Variants in COL23A1 observed in about 807,000 individuals in gnomAD.
COL23A1 encodes the protein collagen type XXIII alpha 1 chain.
Under a neutral mutation model 99.3 loss-of-function variants are expected in COL23A1, and 97 were observed. That is an observed-to-expected ratio of 0.98 (90% confidence interval 0.83 to 1.16). The LOEUF (loss-of-function observed/expected upper bound fraction) is 1.16, where lower values mean the gene tolerates loss of function less well. Among genes scored for constraint, COL23A1 ranks in the 50% most tolerant of loss-of-function variants. COL23A1 has a pLI of 0.00. For synonymous variants in COL23A1, 320 were observed against 308.2 expected (o/e 1.04, Z -0.40); for missense variants, 762 against 757.4 (o/e 1.01, Z -0.07).
intron 2 of COL23A1, among the ~76,000 whole-genome samples, chr5:178,407,518 A>G (rs553485859): frequency 6.6e-6 from 1 of 152,372 alleles, no homozygotes; most frequent in African/African-American, 2.4e-5. Flanking sequence ...ATGTGACAGA[A>G]ATGTTGGACT....
chr5:178,371,715 G>A (rs1043509555), intron 2 of COL23A1, among the ~76,000 whole-genome samples: 1 of 152,138 alleles, frequency 6.6e-6, no homozygotes, highest in South Asian at 2.1e-4. Flanking sequence ...CCCTCTTCCC[G>A]ATGGTGAGCT....
rs1448459756 is a variant in COL23A1, at chr5:178,299,823, G to A, written c.406+7052C>T. Among the ~76,000 whole-genome samples, 6 of 151,966 alleles carry A rather than the reference G, an allele frequency of 3.9e-5. No individual in the cohort carries two copies. In the South Asian group the frequency reaches 1.0e-3, roughly 26 times the overall value. ...GGCTGGAGTGCAGTGGCACGATCTCGGCTCACTGCAACCTCTGCCTCCTGG... is the reference window on the plus strand; with the variant it reads ...GGCTGGAGTGCAGTGGCACGATCTCAGCTCACTGCAACCTCTGCCTCCTGG... On this transcript the variant is annotated intron_variant, in intron 3 of 28. Coordinates refer to ENST00000390654, the MANE Select transcript of COL23A1 (RefSeq NM_173465.4).
chr5:178,380,729 C>CCGGGGCCAATGT (rs1334983237), intron 2 of COL23A1, among the ~76,000 whole-genome samples: 3 of 152,152 alleles, frequency 2.0e-5, no homozygotes, highest in Admixed American at 2.0e-4. Context: ...AGGATCACGT[C>CCGGGGCCAATGT]CGGGGCCAAT....
chr5:178,346,805 C>A (rs1760997044), intron 2 of COL23A1, among the ~76,000 whole-genome samples: 2 of 152,216 alleles, frequency 1.3e-5, no homozygotes, highest in Admixed American at 1.3e-4. Context: ...TAATCAGAGT[C>A]ATATGCAGCG....
chr5:178,521,381 G>A (rs565382026), intron 2 of COL23A1, among the ~76,000 whole-genome samples: 69 of 151,858 alleles, frequency 4.5e-4, no homozygotes, highest in African/African-American at 1.4e-3. Flanking sequence ...CTGAAACCCC[G>A]TCTCTTCTAA....
At position 178,255,853 on chromosome 5, in the gene COL23A1, AG is replaced by A. The variant is rs1224754994; in HGVS notation, c.882+499del. The A allele has an allele frequency of 1.2e-5, 5 of 411,386 alleles. No homozygotes were observed. In the East Asian group the frequency reaches 4.4e-4, roughly 36 times the overall value. The allele number at this position is 411,386 out of a possible 1,614,324, so 25.5% of individuals were successfully genotyped here. On this transcript the variant is annotated intron_variant, in intron 15 of 28. Transcript: ENST00000390654. This position sits in a 1 kb window ranked among gnomAD's most constrained non-coding sequence, Gnocchi z 4.2. ...GAAGAAGCCAGCCTCTGGGAGCATG[AG>A]GAGACAGAGCCGAGGCCAGGATCCC...
chr5:178,442,329 C>A (rs1308519103), intron 2 of COL23A1, among the ~76,000 whole-genome samples: 1 of 152,120 alleles, frequency 6.6e-6, no homozygotes, highest in Admixed American at 6.5e-5. Context: ...ACTGGTTTGT[C>A]CAAACAGGTT....
intron 2 of COL23A1, among the ~76,000 whole-genome samples, chr5:178,337,013 G>A (rs1422183414): frequency 6.6e-6 from 1 of 152,218 alleles, no homozygotes; most frequent in Non-Finnish European, 1.5e-5. Flanking sequence ...GAGCTGCTCA[G>A]AGCGGCGGAA....
chr5:178,269,223 A>G (rs561139152), intron 6 of COL23A1, among the ~76,000 whole-genome samples: 2 of 151,790 alleles, frequency 1.3e-5, no homozygotes, highest in Admixed American at 6.6e-5. Flanking sequence ...AAAAAAAAGC[A>G]TTCTCTTCTT....
intron 7 of COL23A1, 82 bp from the exon 8 acceptor site, chr5:178,267,415 C>G: frequency 7.2e-7 from 1 of 1,386,074 alleles, no homozygotes; most frequent in Non-Finnish European, 1.0e-6. Context: ...GTGCCCAGTG[C>G]TTCATAGACA....
chr5:178,292,227 G>A (rs1422759169), intron 3 of COL23A1, among the ~76,000 whole-genome samples: 6 of 93,160 alleles, frequency 6.4e-5, no homozygotes, highest in East Asian at 4.4e-4. Flanking sequence ...GCCTGTGCCC[G>A]CACCTGCCCC....
chr5:178,279,446 C>A (rs1393230470), intron 5 of COL23A1, among the ~76,000 whole-genome samples: 1 of 152,226 alleles, frequency 6.6e-6, no homozygotes, highest in East Asian at 1.9e-4. Context: ...CCCGGGCAGA[C>A]TGAGGGGTTT....
intron 26 of COL23A1, 57 bp downstream of exon 26, chr5:178,242,284 C>T: frequency 6.3e-7 from 1 of 1,580,904 alleles, no homozygotes; most frequent in Non-Finnish European, 8.6e-7. Context: ...AGCCTCCACT[C>T]CCACCTGCCT....
chr5:178,451,691 A>G (rs957855777), intron 2 of COL23A1, among the ~76,000 whole-genome samples: 1 of 149,732 alleles, frequency 6.7e-6, no homozygotes, highest in Non-Finnish European at 1.5e-5. Flanking sequence ...CACGGAAATC[A>G]ATAGTTTTCC....
At position 178,340,267 on chromosome 5, in the gene COL23A1, A is replaced by G. The variant is rs1000582261; in HGVS notation, c.362-33348T>C. 6.6e-6 allele frequency among the ~76,000 whole-genome samples: 1 copy of G among 152,184 alleles called. No homozygotes were observed. The highest frequency in any genetic ancestry group is 2.4e-5 in the African/African-American group (1 of 41,450). On this transcript the variant is annotated intron_variant, in intron 2 of 28. Coordinates refer to ENST00000390654, the MANE Select transcript of COL23A1 (RefSeq NM_173465.4). This position sits in a 1 kb window ranked among gnomAD's most constrained non-coding sequence, Gnocchi z 4.7. Reference sequence around the variant, plus strand: ...CAAGGACACCTTTCTGACCAGCAATAAGCCTCACCAAAAAATGTGCTCATG... The same window carrying G: ...CAAGGACACCTTTCTGACCAGCAATGAGCCTCACCAAAAAATGTGCTCATG...
chr5:178,468,965 T>C lies in COL23A1; in HGVS notation c.361+91717A>G, dbSNP rs1756587067. Reference sequence around the variant, plus strand: ...CATCCTGGTTTCCGTCTCTATGAATTTGATGACTGGGTGCCTCACATAAGT... The same window carrying C: ...CATCCTGGTTTCCGTCTCTATGAATCTGATGACTGGGTGCCTCACATAAGT... On this transcript the variant is annotated intron_variant, in intron 2 of 28. Coordinates refer to ENST00000390654, the MANE Select transcript of COL23A1 (RefSeq NM_173465.4). The surrounding 1 kb of genome is among the most constrained non-coding windows in gnomAD (Gnocchi z 4.2). Among the ~76,000 whole-genome samples the C allele has an allele frequency of 6.6e-6, 1 of 152,156 alleles. No individual in the cohort carries two copies. The highest frequency in any genetic ancestry group is 6.5e-5 in the Admixed American group (1 of 15,284).
At chr5:178,352,276 C>T (rs757711480) in intron 2 of COL23A1, 2 of 152,156 alleles carry the variant, frequency 1.3e-5, no homozygotes, top group Non-Finnish European at 2.9e-5. Context: ...AACACCTTAG[C>T]GCTTTGGATC....
intron 2 of COL23A1, among the ~76,000 whole-genome samples, chr5:178,552,318 C>G (rs1286888905): frequency 6.6e-6 from 1 of 151,966 alleles, no homozygotes; most frequent in Non-Finnish European, 1.5e-5. Flanking sequence ...AATGAATGAA[C>G]AAATACCTAT....
At chr5:178,328,122 C>T (rs1199776279) in intron 2 of COL23A1, among the ~76,000 whole-genome samples, 2 of 152,130 alleles carry the variant, frequency 1.3e-5, no homozygotes, top group Admixed American at 6.5e-5. Context: ...TGCCTGGGTG[C>T]GGAGGGCAGG....
Sources: allele counts gnomAD v4.1 joint callset (sites outside exome capture counted in the v4.1 genomes callset), GRCh38; gene constraint gnomAD v4.1.1; non-coding constraint Gnocchi (gnomAD v3.1); transcripts MANE v1.5; gene names NCBI Gene and HGNC (gene_info 2026-07-23, HGNC 2026-07-21).